Variants in SLC14A2 observed in about 807,000 individuals in gnomAD.
SLC14A2 encodes solute carrier family 14 member 2.
A neutral mutation model predicts 104.6 loss-of-function variants in SLC14A2; 91 were observed. That is an observed-to-expected ratio of 0.87 (90% CI 0.73 to 1.04). The LOEUF is 1.04. Among genes scored for constraint, SLC14A2 ranks in the 50% least tolerant of loss-of-function variants. The pLI, the probability that SLC14A2 is intolerant of heterozygous loss-of-function variation, is 0.00. For missense variants in SLC14A2, 1,189 were observed against 1,156.0 expected (o/e 1.03, Z -0.41); for synonymous variants, 476 against 466.4 (o/e 1.02, Z -0.27).
At chr18:45,344,016 G>A (rs1260679965) in intron 1 of SLC14A2, among the ~76,000 whole-genome samples, 3 of 152,176 alleles carry the variant, frequency 2.0e-5, no homozygotes, top group Non-Finnish European at 4.4e-5. Flanking sequence ...TGCAATTTGT[G>A]CATAAAAGCA....
At chr18:45,179,772 GAAA>G in the SLC14A2 span, 1 of 146,086 alleles carries the variant, frequency 6.8e-6, no homozygotes, top group Non-Finnish European at 1.5e-5. Context: ...TACTGTTTTT[GAAA>G]AAAAAAATTG....
At chr18:45,567,865 C>G (rs1044229747) in intron 2 of SLC14A2, among the ~76,000 whole-genome samples, 2 of 152,118 alleles carry the variant, frequency 1.3e-5, no homozygotes, top group African/African-American at 2.4e-5. Flanking sequence ...AGAGACCCAC[C>G]CCAGGATCTT....
chr18:45,403,127 C>T, intron 1 of SLC14A2, among the ~76,000 whole-genome samples: 1 of 152,138 alleles, frequency 6.6e-6, no homozygotes, highest in East Asian at 1.9e-4. Flanking sequence ...GGTGAAGACT[C>T]CCTTCTCGGC....
intron 1 of SLC14A2, among the ~76,000 whole-genome samples, chr18:45,379,607 G>T (rs2085812099): frequency 6.6e-6 from 1 of 152,154 alleles, no homozygotes; most frequent in Non-Finnish European, 1.5e-5. Context: ...GCTCAGTCTG[G>T]ATAGTCACTT....
the SLC14A2 span, among the ~76,000 whole-genome samples, chr18:45,170,827 T>C: frequency 1.3e-5 from 2 of 152,170 alleles, no homozygotes; most frequent in Non-Finnish European, 2.9e-5. Flanking sequence ...TTTTGATAAC[T>C]GGGAGCAAGT....
At chr18:45,333,249 C>G (rs956425282) in intron 1 of SLC14A2, among the ~76,000 whole-genome samples, 1 of 151,878 alleles carries the variant, frequency 6.6e-6, no homozygotes, top group African/African-American at 2.4e-5. Flanking sequence ...GAGTCTGGAA[C>G]CCAGAGATGA....
rs115616794 is a variant in SLC14A2 at position 45,650,102 on chromosome 18, A to T, written c.1351+5942A>T. On this transcript the variant is annotated intron_variant, in intron 10 of 19. Coordinates refer to ENST00000255226, the MANE Select transcript of SLC14A2 (RefSeq NM_007163.4). ...CTTTGATCTCTATTTCGAGTTGCTT[A>T]TGTTATTCTTCACAATTTTTATCAT... 7.2e-3 allele frequency among the ~76,000 whole-genome samples: 1,097 copies of T among 152,176 alleles called. 15 individuals are homozygous for T. The highest frequency in any genetic ancestry group is 0.025 in the African/African-American group (1,055 of 41,516).
chr18:45,454,716 G>T (rs1444414961), intron 1 of SLC14A2, among the ~76,000 whole-genome samples: 1 of 152,142 alleles, frequency 6.6e-6, no homozygotes, highest in East Asian at 1.9e-4. Context: ...TCAGTTTTCT[G>T]CATATGGCTA....
intron 1 of SLC14A2, among the ~76,000 whole-genome samples, chr18:45,236,969 G>A (rs146744498): frequency 2.0e-5 from 3 of 152,222 alleles, no homozygotes; most frequent in Non-Finnish European, 2.9e-5. Context: ...AAGTCTTGGG[G>A]GAGAGCCCAG....
At chr18:45,211,307 G>A (rs575895822), upstream of SLC14A2, among the ~76,000 whole-genome samples, 132 of 152,120 alleles carry the variant, frequency 8.7e-4, no homozygotes, top group Non-Finnish European at 1.5e-3. Flanking sequence ...AGTCTCAGCC[G>A]GGGGCTCAGT....
At chr18:45,218,008 T>C (rs1192436974) in intron 1 of SLC14A2, among the ~76,000 whole-genome samples, 1 of 152,210 alleles carries the variant, frequency 6.6e-6, no homozygotes, top group Non-Finnish European at 1.5e-5. Context: ...GTTACTTGTT[T>C]TATTGTAGTA....
chr18:45,495,613 G>A (rs1433339209), intron 2 of SLC14A2, among the ~76,000 whole-genome samples: 1 of 152,122 alleles, frequency 6.6e-6, no homozygotes, highest in Non-Finnish European at 1.5e-5. Context: ...GTGTCCTCTT[G>A]CCTTCTTACT....
intron 1 of SLC14A2, among the ~76,000 whole-genome samples, chr18:45,379,807 A>G (rs1181031859): frequency 6.6e-6 from 1 of 152,220 alleles, no homozygotes. Context: ...GAACTTGGCC[A>G]TGACCAAAAA....
intron 1 of SLC14A2, among the ~76,000 whole-genome samples, chr18:45,252,268 A>G (rs1018818959): frequency 3.3e-5 from 5 of 152,180 alleles, no homozygotes; most frequent in Admixed American, 3.3e-4. Context: ...TTCACCTGAG[A>G]TTGAGAAAGT....
intron 1 of SLC14A2, among the ~76,000 whole-genome samples, chr18:45,350,876 G>A (rs1250908923): frequency 6.6e-6 from 1 of 152,100 alleles, no homozygotes; most frequent in Non-Finnish European, 1.5e-5. Context: ...ATTATAGGAT[G>A]AGAGAAGGCA....
intron 2 of SLC14A2, among the ~76,000 whole-genome samples, chr18:45,607,768 G>T (rs1398595158): frequency 6.6e-6 from 1 of 152,230 alleles, no homozygotes. Flanking sequence ...CAAGATGTCA[G>T]TCAGGGCTGC....
At chr18:45,470,505 C>T (rs1390846722) in intron 1 of SLC14A2, among the ~76,000 whole-genome samples, 1 of 152,046 alleles carries the variant, frequency 6.6e-6, no homozygotes, top group Non-Finnish European at 1.5e-5. Context: ...GCCTCTATTG[C>T]CTCTTTTTAT....
At chr18:45,367,124 T>C (rs1833617442) in intron 1 of SLC14A2, among the ~76,000 whole-genome samples, 1 of 152,234 alleles carries the variant, frequency 6.6e-6, no homozygotes, top group African/African-American at 2.4e-5. Flanking sequence ...TTTGGATCTG[T>C]AGCTTTTGTA....
At chr18:45,447,633 G>A (rs150058077) in intron 1 of SLC14A2, 2 of 152,254 alleles carry the variant, frequency 1.3e-5, no homozygotes, top group African/African-American at 4.8e-5. Flanking sequence ...AAAACCAGCT[G>A]CTATAAAGCT....
Sources: gnomAD v4.1 joint callset for allele counts (sites outside exome capture counted in the v4.1 genomes callset) on GRCh38, gnomAD v4.1.1 for gene constraint, MANE v1.5 for transcripts, NCBI Gene and HGNC (gene_info 2026-07-23, HGNC 2026-07-21) for gene names.